The following NLGN1 variants were observed in gnomAD, a reference collection of about 807,000 sequenced individuals.
NLGN1 encodes the protein neuroligin 1.
Under a neutral mutation model 65.5 loss-of-function variants are expected in NLGN1, and 12 were observed. That is an observed-to-expected ratio of 0.18 (90% CI 0.12 to 0.30). The LOEUF (loss-of-function observed/expected upper bound fraction) is 0.30. NLGN1 is among the 10% of genes least tolerant of loss of function. The pLI is 1.00. For synonymous variants in NLGN1, 350 were observed against 359.5 expected (o/e 0.97, Z 0.30); for missense variants, 750 against 1,007.1 (o/e 0.74, Z 3.46).
At chr3:173,982,481 G>A (rs774233770) in intron 4 of NLGN1, among the ~76,000 whole-genome samples, 1 of 152,040 alleles carries the variant, frequency 6.6e-6, no homozygotes, top group African/African-American at 2.4e-5. Context: ...TTAAATGCTT[G>A]GTCCATAGAA....
At chr3:173,681,858 T>C (rs192510740) in intron 3 of NLGN1, among the ~76,000 whole-genome samples, 1 of 152,320 alleles carries the variant, frequency 6.6e-6, no homozygotes, top group Admixed American at 6.5e-5. Flanking sequence ...TTTCTTCTTA[T>C]TGTACTTCTG....
chr3:173,723,330 C>T (rs1771178601), intron 3 of NLGN1, among the ~76,000 whole-genome samples: 1 of 152,074 alleles, frequency 6.6e-6, no homozygotes, highest in Admixed American at 6.5e-5. Flanking sequence ...ACAAAAACTG[C>T]CCTGAAAATG....
intron 4 of NLGN1, among the ~76,000 whole-genome samples, chr3:174,068,645 T>C (rs188861091): frequency 2.6e-4 from 39 of 152,264 alleles, no homozygotes; most frequent in African/African-American, 9.1e-4. Context: ...ATTTGCAGGC[T>C]TTCAAAATTT....
At chr3:173,877,930 A>G (rs2150906702) in intron 4 of NLGN1, among the ~76,000 whole-genome samples, 1 of 152,290 alleles carries the variant, frequency 6.6e-6, no homozygotes, top group Admixed American at 6.5e-5. Context: ...CTGGAATTTT[A>G]CTTCTGGAAT....
intron 4 of NLGN1, among the ~76,000 whole-genome samples, chr3:174,256,800 T>C (rs1055503923): frequency 6.6e-6 from 1 of 152,086 alleles, no homozygotes; most frequent in African/African-American, 2.4e-5. Context: ...CCCAAAACTG[T>C]AGAAACCCTA....
At chr3:173,815,692 C>T (rs781298368) in intron 4 of NLGN1, among the ~76,000 whole-genome samples, 1 of 152,138 alleles carries the variant, frequency 6.6e-6, no homozygotes, top group African/African-American at 2.4e-5. Flanking sequence ...CTATCCTTCT[C>T]TCTCTATGAT....
intron 3 of NLGN1, among the ~76,000 whole-genome samples, chr3:173,697,391 G>C (rs987192492): frequency 8.5e-5 from 13 of 152,048 alleles, no homozygotes; most frequent in Non-Finnish European, 1.6e-4. Flanking sequence ...TGTTTATAAA[G>C]AAAATGGATA....
intron 4 of NLGN1, among the ~76,000 whole-genome samples, chr3:173,918,684 GTGTGTGTGTGTGTGTGTGTA>G (rs1297501957): frequency 3.0e-5 from 4 of 133,570 alleles, no homozygotes; most frequent in Admixed American, 7.4e-5. Flanking sequence ...GTGTGTGTGT[GTGTGTGTGTGTGTGTGTGTA>G]TATATATATA....
intron 3 of NLGN1, among the ~76,000 whole-genome samples, chr3:173,688,662 T>G (rs1206404016): frequency 6.6e-6 from 1 of 152,192 alleles, no homozygotes; most frequent in Non-Finnish European, 1.5e-5. Context: ...GTCTCTTACT[T>G]CAACTGGATG....
At chr3:173,585,262 A>G (rs1321411619) in intron 2 of NLGN1, among the ~76,000 whole-genome samples, 1 of 152,098 alleles carries the variant, frequency 6.6e-6, no homozygotes, top group Middle Eastern at 3.2e-3. Flanking sequence ...TCAACTTTGC[A>G]TTGAAAATCT....
intron 2 of NLGN1, among the ~76,000 whole-genome samples, chr3:173,519,416 G>A (rs577707174): frequency 1.3e-5 from 2 of 152,350 alleles, no homozygotes; most frequent in African/African-American, 4.8e-5. Context: ...TAGAAAAGCT[G>A]CAGGCCCTGA....
chr3:173,789,821 A>G (rs1465179169), intron 3 of NLGN1: 1 of 498,544 alleles, frequency 2.0e-6, no homozygotes, highest in Non-Finnish European at 4.0e-6. Flanking sequence ...TCAAACTTTC[A>G]TATTTGAATA....
chr3:174,216,032 CA>C (rs1737534823), intron 4 of NLGN1, among the ~76,000 whole-genome samples: 1 of 152,080 alleles, frequency 6.6e-6, no homozygotes. Context: ...CATGACAACC[CA>C]AGGGGTAGGT....
In NLGN1 at chr3:173,527,483, C is replaced by T. The variant is rs557409688; in HGVS notation, c.-320-76796C>T. ...CACTATCTCAGCTCACTGCAAGCTC[C>T]ACCTCCCGGGTTCACACCATTCTCC... On this transcript the variant is annotated intron_variant, in intron 2 of 6. Coordinates refer to ENST00000457714, the Ensembl canonical transcript of NLGN1. 2.0e-5 allele frequency among the ~76,000 whole-genome samples: 3 copies of T among 152,262 alleles called. No homozygotes were observed. The East Asian group carries it at 5.8e-4, about 29-fold the overall frequency.
the NLGN1 span, among the ~76,000 whole-genome samples, chr3:174,293,196 G>A: frequency 6.6e-6 from 1 of 151,468 alleles, no homozygotes. Context: ...AATAAGCTGT[G>A]ACTGAGATGG....
intron 2 of NLGN1, among the ~76,000 whole-genome samples, chr3:173,523,810 A>G (rs1012350748): frequency 6.6e-6 from 1 of 151,502 alleles, no homozygotes; most frequent in East Asian, 1.9e-4. Flanking sequence ...TGACCATTTG[A>G]TAGGAATTGC....
intron 2 of NLGN1, among the ~76,000 whole-genome samples, chr3:173,568,999 C>A (rs1299504162): frequency 6.6e-6 from 1 of 152,062 alleles, no homozygotes; most frequent in Non-Finnish European, 1.5e-5. Context: ...CTTCAACACT[C>A]TGTGTTTGTT....
chr3:174,274,473 C>A (rs905718947), intron 4 of NLGN1, among the ~76,000 whole-genome samples: 2 of 151,542 alleles, frequency 1.3e-5, no homozygotes, highest in African/African-American at 4.8e-5. Context: ...ATTGCCTTTG[C>A]CATTCTGTCA....
intron 2 of NLGN1, among the ~76,000 whole-genome samples, chr3:173,451,403 C>A (rs1304140764): frequency 6.6e-6 from 1 of 152,160 alleles, no homozygotes; most frequent in Non-Finnish European, 1.5e-5. Flanking sequence ...ATGCTGCTGC[C>A]TGATCGTTCC....
Sources: gnomAD v4.1 joint callset for allele counts (sites outside exome capture counted in the v4.1 genomes callset) on GRCh38, gnomAD v4.1.1 for gene constraint, MANE v1.5 for transcripts, NCBI Gene and HGNC (gene_info 2026-07-23, HGNC 2026-07-21) for gene names.